Variants in ALOX5 observed in about 807,000 individuals in gnomAD.
The protein encoded by ALOX5 is polyunsaturated fatty acid 5-lipoxygenase.
ALOX5 carries 64 observed loss-of-function variants against 87.9 expected under a neutral mutation model. The ratio of observed to expected loss-of-function variants is 0.73; its 90% CI spans 0.60 to 0.90. The LOEUF is 0.90. ALOX5 is among the 40% of genes least tolerant of loss of function. The probability of loss-of-function intolerance (pLI) is 0.00; values close to 1 mark genes in which losing one functional copy is unlikely to be tolerated. For synonymous variants in ALOX5, 388 were observed against 355.1 expected (o/e 1.09, Z -1.04); for missense variants, 822 against 907.5 (o/e 0.91, Z 1.21).
In ALOX5 at chr10:45,405,573, GTTCT is replaced by G. The variant is rs1464535915; in HGVS notation, c.432-6615_432-6612del. On this transcript the variant is annotated intron_variant, in intron 3 of 13. Coordinates refer to ENST00000374391, the MANE Select transcript of ALOX5 (RefSeq NM_000698.5). ...GTTGCTTTTGCCACAGGAGATTTTA[GTTCT>G]TTATTTTATTAACTATGTATTGTTT... Among the ~76,000 whole-genome samples the G allele has an allele frequency of 3.9e-5, 6 of 152,032 alleles. No individual in the cohort carries two copies. The East Asian group carries it at 5.8e-4, about 15-fold the overall frequency.
At position 45,420,945 on chromosome 10, in the gene ALOX5, C is replaced by T. The variant is rs563620173; in HGVS notation, c.555-3096C>T. Among the ~76,000 whole-genome samples, 8 of 152,304 alleles carry T rather than the reference C, an allele frequency of 5.3e-5. No homozygotes were observed. In the Middle Eastern group the frequency reaches 0.01, roughly 196 times the overall value. ...TAGGGGCGAGGGGTGGGGGGCTCAC[C>T]GGGCACATGGCCAACAGCTGGTGCC... is the stretch of plus-strand genomic sequence containing the variant. On this transcript the variant is annotated intron_variant, in intron 4 of 13. Transcript: ENST00000374391.
At chr10:45,402,035 C>T (rs922258689) in intron 3 of ALOX5, among the ~76,000 whole-genome samples, 2 of 135,058 alleles carry the variant, frequency 1.5e-5, no homozygotes, top group Admixed American at 8.9e-5. Flanking sequence ...TGCAGTGAGC[C>T]GAGATTGCAC....
At chr10:45,376,440 T>TA (rs979083272) in intron 1 of ALOX5, among the ~76,000 whole-genome samples, 49 of 152,302 alleles carry the variant, frequency 3.2e-4, no homozygotes, top group African/African-American at 1.1e-3. Flanking sequence ...GATGCAAAGT[T>TA]ACTCAACACT....
intron 7 of ALOX5, among the ~76,000 whole-genome samples, chr10:45,429,054 C>T (rs1005524816): frequency 6.6e-6 from 1 of 152,128 alleles, no homozygotes; most frequent in Non-Finnish European, 1.5e-5. Context: ...CAAGGTGCTG[C>T]CAGGGGCCAG....
Position 45,435,275 on chromosome 10 carries a change from T to A in ALOX5, c.982-5155T>A, listed in dbSNP as rs115902283. 9.4e-3 allele frequency among the ~76,000 whole-genome samples: 1,429 copies of A among 151,846 alleles called. 21 individuals are homozygous for A. Among genetic ancestry groups the A allele is most frequent in the East Asian group, 0.053 (275 of 5,184 alleles). ...CTGGTCAGAACAGTTTTTTTTTTTT[T>A]AATATATAAAATTTTAGATTCAGGT... On this transcript the variant is annotated intron_variant, in intron 7 of 13. Coordinates refer to ENST00000374391, the MANE Select transcript of ALOX5 (RefSeq NM_000698.5).
At chr10:45,387,066 C>T (rs761417219) in intron 2 of ALOX5, among the ~76,000 whole-genome samples, 30 of 152,164 alleles carry the variant, frequency 2.0e-4, no homozygotes, top group Non-Finnish European at 3.4e-4. Flanking sequence ...TGCCAGGCGC[C>T]GTGTGGAGGG....
At chr10:45,440,852 C>T (rs1375580802) in intron 8 of ALOX5, among the ~76,000 whole-genome samples, 2 of 152,220 alleles carry the variant, frequency 1.3e-5, no homozygotes, top group Admixed American at 6.5e-5. Flanking sequence ...GCCTGACACA[C>T]GGGCCTCGCT....
At position 45,383,237 on chromosome 10, in the gene ALOX5, AAAG is replaced by A. The variant is rs529833208; in HGVS notation, c.349+562_349+564del. Among the ~76,000 whole-genome samples the A allele has an allele frequency of 3.3e-5, 5 of 152,386 alleles. No individual in the cohort carries two copies. In the East Asian group the frequency reaches 5.8e-4, roughly 18 times the overall value. On this transcript the variant is annotated intron_variant, in intron 2 of 13. Coordinates refer to ENST00000374391, the MANE Select transcript of ALOX5 (RefSeq NM_000698.5). ...CCGAAGTCTCACCTTTCGCTGAAAG[AAAG>A]AAGAACCTCAAATCTGTTCCCCTTA...
At chr10:45,408,085 A>G (rs1287741397) in intron 3 of ALOX5, among the ~76,000 whole-genome samples, 1 of 152,034 alleles carries the variant, frequency 6.6e-6, no homozygotes, top group Admixed American at 6.5e-5. Context: ...ACTTCTCCAT[A>G]TATTACTCTC....
chr10:45,393,763 G>T (rs1256682665), intron 2 of ALOX5, among the ~76,000 whole-genome samples: 2 of 152,170 alleles, frequency 1.3e-5, no homozygotes, highest in African/African-American at 4.8e-5. Context: ...AAAGTCTCAG[G>T]ATACAAAATC....
At chr10:45,393,944 C>G (rs11952502) in intron 2 of ALOX5, among the ~76,000 whole-genome samples, 19 of 152,004 alleles carry the variant, frequency 1.2e-4, no homozygotes, top group Non-Finnish European at 2.1e-4. Context: ...CACTGCTCAA[C>G]GAAATAAAGG....
intron 2 of ALOX5, among the ~76,000 whole-genome samples, chr10:45,393,193 A>C (rs1488902978): frequency 6.6e-6 from 1 of 152,232 alleles, no homozygotes; most frequent in Admixed American, 6.5e-5. Flanking sequence ...ACATCGATGC[A>C]AAAATCCTCA....
At chr10:45,409,774 G>A (rs1039539863) in intron 3 of ALOX5, among the ~76,000 whole-genome samples, 6 of 152,242 alleles carry the variant, frequency 3.9e-5, no homozygotes, top group African/African-American at 1.2e-4. Context: ...TTCGGCTCCT[G>A]TGCAGGTCAG....
Position 45,441,511 on chromosome 10 carries a change from C to T in ALOX5, c.1272+81C>T, listed in dbSNP as rs1415806601. The T allele has an allele frequency of 2.1e-6, 3 of 1,400,884 alleles. No homozygotes were observed. In the East Asian group the frequency reaches 6.9e-5, roughly 32 times the overall value. 86.8% of individuals were successfully genotyped at this position (1,400,884 alleles called of 1,614,324 possible). A position where few individuals can be genotyped will look rare whatever the true frequency, so the allele number is the denominator to read the frequency against. ...ACTCCCTATCTGAGATCTAGACACC[C>T]TTTCAGGAGGCCTGGAAGGGTGAAG... On this transcript the variant is annotated intron_variant, in intron 9 of 13. Transcript: ENST00000374391.
At chr10:45,445,435 G>A in intron 13 of ALOX5, 73 bp from the exon 14 acceptor site, 1 of 1,536,192 alleles carries the variant, frequency 6.5e-7, no homozygotes, top group South Asian at 1.2e-5. Flanking sequence ...CTGGCCCCTT[G>A]GGATGAGACA....
At chr10:45,443,565 C>T (rs776003557) in intron 11 of ALOX5, 28 bp downstream of exon 11, 2 of 1,603,140 alleles carry the variant, frequency 1.2e-6, no homozygotes, top group African/African-American at 1.3e-5. Flanking sequence ...TCTCCGGACC[C>T]GGCTCCCCCG....
rs185807817 is a variant in ALOX5, at chr10:45,411,895, G to A, written c.432-296G>A. ...TTCAATGTCACCTCTAGTAAGTGAG[G>A]TCTCCCTAGACTACCTACAGAACTT... On this transcript the variant is annotated intron_variant, in intron 3 of 13. Coordinates refer to ENST00000374391, the MANE Select transcript of ALOX5 (RefSeq NM_000698.5). Among the ~76,000 whole-genome samples the A allele has an allele frequency of 3.3e-5, 5 of 152,280 alleles. No homozygotes were observed. The East Asian group carries it at 5.8e-4, about 18-fold the overall frequency.
chr10:45,419,814 G>A (rs1323178934), intron 4 of ALOX5, among the ~76,000 whole-genome samples: 1 of 152,246 alleles, frequency 6.6e-6, no homozygotes, highest in Non-Finnish European at 1.5e-5. Context: ...GGCCAGGAGA[G>A]AAGGGCCCTG....
At chr10:45,400,825 G>C (rs528769808) in intron 3 of ALOX5, among the ~76,000 whole-genome samples, 65 of 152,236 alleles carry the variant, frequency 4.3e-4, no homozygotes, top group Non-Finnish European at 1.0e-4. Flanking sequence ...AATGTTAATG[G>C]GTTCGAGGTG....
Sources: gnomAD v4.1 joint callset for allele counts (sites outside exome capture counted in the v4.1 genomes callset) on GRCh38, gnomAD v4.1.1 for gene constraint, MANE v1.5 for transcripts, NCBI Gene and HGNC (gene_info 2026-07-23, HGNC 2026-07-21) for gene names.